OTUD7B: variants seen among roughly 807,000 people sequenced by gnomAD.
The protein encoded by OTUD7B is OTU deubiquitinase 7B.
In OTUD7B, 34 loss-of-function variants were observed where a neutral mutation model predicts 82.2. The ratio of observed to expected loss-of-function variants is 0.41; its 90% confidence interval spans 0.31 to 0.55. The LOEUF (loss-of-function observed/expected upper bound fraction) is 0.55, where lower values mean the gene tolerates loss of function less well. OTUD7B is among the 20% of genes least tolerant of loss of function. The probability of loss-of-function intolerance (pLI) is 0.20; values close to 1 mark genes in which losing one functional copy is unlikely to be tolerated. For synonymous variants in OTUD7B, 398 were observed against 402.7 expected, an observed-to-expected ratio of 0.99 and a Z score of 0.14; for missense variants, 944 against 1,062.1, an observed-to-expected ratio of 0.89 and a Z score of 1.55.
At chr1:149,958,115 A>G (rs375523851) in intron 7 of OTUD7B, among the ~76,000 whole-genome samples, 4 of 152,052 alleles carry the variant, frequency 2.6e-5, no homozygotes, top group Non-Finnish European at 5.9e-5. Context: ...TGCGTCACTC[A>G]TGCTGGGAGC....
the OTUD7B span, among the ~76,000 whole-genome samples, chr1:150,027,820 T>C: frequency 6.6e-6 from 1 of 151,986 alleles, no homozygotes; most frequent in South Asian, 2.1e-4. Flanking sequence ...CTATTCTATT[T>C]TATCCTGAGA....
chr1:149,944,295 G>A lies in OTUD7B; in HGVS notation c.2094C>T (p.Ile698=). Residue 698 remains isoleucine, a synonymous_variant, in exon 12 of 12, where the codon ATC becomes ATT. Coordinates refer to ENST00000581312, the MANE Select transcript of OTUD7B (RefSeq NM_020205.4). ...GGACTCCGCCCCCAGACGGCCGAGG[G>A]ATAGTAAAGTCCCCAGGGTAGCCAG... ...FSTGYPGDFT[I]PRPSGGGVHC... is the part of the protein sequence containing the mutation. 6.2e-7 allele frequency: 1 copy of A among 1,611,008 alleles called. No individual in the cohort carries two copies. Among genetic ancestry groups the A allele is most frequent in the Non-Finnish European group, 8.5e-7 (1 of 1,178,094 alleles).
intron 5 of OTUD7B, among the ~76,000 whole-genome samples, chr1:149,964,688 T>C (rs1205328364): frequency 4.6e-5 from 7 of 151,686 alleles, no homozygotes; most frequent in Non-Finnish European, 1.0e-4. Context: ...CCGCCTCCCA[T>C]GTTCAAGAGA....
the OTUD7B span, chr1:150,055,005 T>G: frequency 3.7e-6 from 1 of 272,892 alleles, no homozygotes; most frequent in Admixed American, 4.2e-5. Context: ...CCCCGACAAA[T>G]GGAATTTATC....
At chr1:149,960,339 A>G (rs1649050841) in intron 6 of OTUD7B, among the ~76,000 whole-genome samples, 1 of 148,038 alleles carries the variant, frequency 6.8e-6, no homozygotes, top group Non-Finnish European at 1.5e-5. Context: ...GGTATATACC[A>G]TCTATCTCCA....
chr1:150,010,069 T>C (rs587766876), intron 1 of OTUD7B, among the ~76,000 whole-genome samples: 3 of 152,258 alleles, frequency 2.0e-5, no homozygotes, highest in South Asian at 4.1e-4. Context: ...TATATTGAGA[T>C]TTTAAATGAA....
intron 7 of OTUD7B, among the ~76,000 whole-genome samples, chr1:149,951,049 T>C (rs6587723): frequency 0.49 from 61,694 of 125,638 alleles, 14,892 homozygotes; most frequent in South Asian, 0.58. Flanking sequence ...GTGGTGCGAT[T>C]TGGGCTCACT....
upstream of OTUD7B, among the ~76,000 whole-genome samples, chr1:150,012,495 G>T (rs1387019633): frequency 6.6e-6 from 1 of 152,126 alleles, no homozygotes; most frequent in Non-Finnish European, 1.5e-5. Context: ...TCTGAAAGTT[G>T]CCTTGTTTCA....
At chr1:150,011,355 T>C (rs1553787362), upstream of OTUD7B, among the ~76,000 whole-genome samples, 1 of 152,230 alleles carries the variant, frequency 6.6e-6, no homozygotes, top group African/African-American at 2.4e-5. Flanking sequence ...TAAAACATTA[T>C]GGCATAATTC....
At chr1:149,970,217 G>GA (rs880002316) in intron 3 of OTUD7B, among the ~76,000 whole-genome samples, 143,047 of 146,006 alleles carry the variant, frequency 0.98, 70,093 homozygotes, top group East Asian at 1. Context: ...ATTGCCTCAA[G>GA]AAAAAAAAAA....
intron 6 of OTUD7B, 23 bp from the exon 7 acceptor site, chr1:149,959,819 A>T: frequency 4.0e-6 from 6 of 1,510,238 alleles, no homozygotes; most frequent in Non-Finnish European, 5.5e-6. Flanking sequence ...CAGGCAGGGG[A>T]CATTGGGCAA....
At chr1:150,009,690 G>T (rs376722193) in intron 1 of OTUD7B, among the ~76,000 whole-genome samples, 17 of 152,232 alleles carry the variant, frequency 1.1e-4, no homozygotes, top group East Asian at 5.8e-4. Context: ...CGAGCGGGGA[G>T]AAAGAGACTC....
chr1:149,959,176 A>C (rs1553775155), intron 7 of OTUD7B, among the ~76,000 whole-genome samples: 1 of 151,672 alleles, frequency 6.6e-6, no homozygotes, highest in Non-Finnish European at 1.5e-5. Context: ...AGCAGAGATC[A>C]CACCACTGCA....
chr1:149,964,159 C>T (rs1553776015), intron 6 of OTUD7B, 63 bp downstream of exon 6: 7 of 1,580,538 alleles, frequency 4.4e-6, no homozygotes, highest in Middle Eastern at 1.7e-4. Context: ...CTGGCAGGCA[C>T]CCAGTGACTT....
At chr1:150,031,137 C>T in the OTUD7B span, among the ~76,000 whole-genome samples, 4 of 152,042 alleles carry the variant, frequency 2.6e-5, 1 homozygote, top group South Asian at 6.2e-4. Flanking sequence ...TGATTGTGCC[C>T]AGCAAGAAGA....
intron 1 of OTUD7B, among the ~76,000 whole-genome samples, chr1:149,999,756 G>A (rs964749221): frequency 1.3e-5 from 2 of 152,138 alleles, no homozygotes; most frequent in South Asian, 4.1e-4. Context: ...TTTTCCCACT[G>A]TCGTGTCTTA....
At chr1:150,060,065 C>G in the OTUD7B span, among the ~76,000 whole-genome samples, 4 of 152,008 alleles carry the variant, frequency 2.6e-5, no homozygotes, top group African/African-American at 9.7e-5. Context: ...GCCATATGTT[C>G]CTATTTAATA....
chr1:149,999,566 AAT>A (rs587685046), intron 1 of OTUD7B, among the ~76,000 whole-genome samples: 15 of 152,298 alleles, frequency 9.8e-5, no homozygotes, highest in South Asian at 6.2e-4. Context: ...AAGTTTCTAA[AAT>A]ATATTTTTGT....
upstream of OTUD7B, among the ~76,000 whole-genome samples, chr1:150,012,473 G>A (rs1553787669): frequency 6.6e-6 from 1 of 152,170 alleles, no homozygotes; most frequent in African/African-American, 2.4e-5. Context: ...CTGTAGAAGA[G>A]GAGCCTCAAA....
Sources: gnomAD v4.1 joint callset for allele counts (sites outside exome capture counted in the v4.1 genomes callset) on GRCh38, gnomAD v4.1.1 for gene constraint, MANE v1.5 for transcripts, NCBI Gene and HGNC (gene_info 2026-07-23, HGNC 2026-07-21) for gene names.